The following RAB35 variants were observed in gnomAD, a reference collection of about 807,000 sequenced individuals.
RAB35 encodes ras-related protein Rab-35.
A neutral mutation model predicts 28.9 loss-of-function variants in RAB35; 4 were observed. The observed-to-expected ratio is 0.14, with a 90% CI of 0.07 to 0.32. The LOEUF is 0.32. RAB35 is among the 10% of genes least tolerant of loss of function. The pLI, the probability that RAB35 is intolerant of heterozygous loss-of-function variation, is 1.00. For missense variants in RAB35, 128 were observed against 274.0 expected (o/e 0.47, Z 3.76); for synonymous variants, 99 against 105.1 (o/e 0.94, Z 0.35).
chr12:120,101,325 A>C (rs1002988425), intron 3 of RAB35, among the ~76,000 whole-genome samples: 1 of 152,162 alleles, frequency 6.6e-6, no homozygotes, highest in Non-Finnish European at 1.5e-5. Flanking sequence ...GCCAGCTGGA[A>C]GTCCTGGCGC....
chr12:120,098,764 A>G, intron 5 of RAB35, 47 bp downstream of exon 5: 1 of 1,609,732 alleles, frequency 6.2e-7, no homozygotes, highest in Non-Finnish European at 8.5e-7. Context: ...AGCATGGAGA[A>G]GGCGGCCACG....
chr12:120,097,530 A>G (rs1215210012), intron 5 of RAB35, among the ~76,000 whole-genome samples, 157 bp from the exon 6 acceptor site: 1 of 152,226 alleles, frequency 6.6e-6, no homozygotes, highest in African/African-American at 2.4e-5. Flanking sequence ...GAGGTGGTGA[A>G]TTATTTTATT....
Position 120,108,470 on chromosome 12 carries a change from G to A in RAB35, c.53-3C>T. Reference sequence around the variant, plus strand: ...CAGTAAACTGCTCTTGCCCACACCTGCAAGAGAGAAAGCACTGCGATGAGG... The same window carrying A: ...CAGTAAACTGCTCTTGCCCACACCTACAAGAGAGAAAGCACTGCGATGAGG... On this transcript the variant is annotated splice_region_variant and splice_polypyrimidine_tract_variant and intron_variant, in intron 1 of 5. Coordinates refer to ENST00000229340, the MANE Select transcript of RAB35 (RefSeq NM_006861.7). 6.2e-7 allele frequency: 1 copy of A among 1,613,764 alleles called. No individual in the cohort carries two copies. Among genetic ancestry groups the A allele is most frequent in the Non-Finnish European group, 8.5e-7 (1 of 1,179,682 alleles).
rs1875313211 is a variant in RAB35 at position 120,095,142 on chromosome 12, A to ATAATT, written c.*2098_*2102dup. 6.6e-6 allele frequency: 1 copy of ATAATT among 152,374 alleles called. No homozygotes were observed. Among genetic ancestry groups the ATAATT allele is most frequent in the East Asian group, 1.9e-4 (1 of 5,196 alleles). The allele number at this position is 152,374 out of a possible 1,614,324, so 9.4% of individuals were successfully genotyped here. A position where few individuals can be genotyped will look rare whatever the true frequency, so the allele number is the denominator to read the frequency against. On this transcript the variant is annotated 3_prime_UTR_variant, in exon 6 of 6. Transcript: ENST00000229340. Reference sequence around the variant, plus strand: ...TATTTTTAGTATTTTTTTAAAAAGCATAATTAGAAACTTTCAATACAGAAA... The same window carrying ATAATT: ...TATTTTTAGTATTTTTTTAAAAAGCATAATTTAATTAGAAACTTTCAATACAGAAA...
intron 3 of RAB35, among the ~76,000 whole-genome samples, chr12:120,101,296 C>T (rs1469317475): frequency 6.6e-6 from 1 of 152,218 alleles, no homozygotes. Flanking sequence ...CCAGCAAGGA[C>T]GTGAGGCTGA....
intron 1 of RAB35, chr12:120,108,811 GCCC>G: frequency 2.3e-6 from 1 of 433,914 alleles, no homozygotes; most frequent in Non-Finnish European, 4.4e-6. Context: ...ACACGAAACG[GCCC>G]CCAAGTGCGT....
intron 2 of RAB35, among the ~76,000 whole-genome samples, chr12:120,107,674 C>G (rs1261670784): frequency 2.6e-5 from 4 of 151,952 alleles, no homozygotes; most frequent in Non-Finnish European, 5.9e-5. Context: ...CGAGACCAGC[C>G]TGACCAACAT....
intron 2 of RAB35, 29 bp downstream of exon 2, chr12:120,108,388 C>T (rs1875975973): frequency 3.7e-6 from 6 of 1,602,914 alleles, no homozygotes; most frequent in South Asian, 3.3e-5. Context: ...AAAAACGACA[C>T]CCCAGCAGCA....
intron 1 of RAB35, among the ~76,000 whole-genome samples, chr12:120,110,799 A>T (rs1876085580): frequency 1.3e-5 from 2 of 152,204 alleles, no homozygotes; most frequent in African/African-American, 4.8e-5. Flanking sequence ...GGCCAGGGTG[A>T]GGCTCTCCTG....
intron 2 of RAB35, among the ~76,000 whole-genome samples, chr12:120,107,135 T>G (rs10774541): frequency 4.0e-5 from 6 of 151,708 alleles, no homozygotes; most frequent in South Asian, 4.1e-4. Flanking sequence ...ATTATAGGTA[T>G]GCACCACCAC....
At chr12:120,108,328 G>A (rs1875972787) in intron 2 of RAB35, 89 bp downstream of exon 2, 3 of 1,356,968 alleles carry the variant, frequency 2.2e-6, no homozygotes, top group South Asian at 2.4e-5. Context: ...CCCAACATCA[G>A]GCAGAGGCAA....
chr12:120,097,023 G>T lies in RAB35; in HGVS notation c.*222C>A. Reference sequence around the variant, plus strand: ...CTCGCCAGGTCCAGGCGCCTTGGCCGGGGAGGAGGGGGCACCAGTAGGGAA... The same window carrying T: ...CTCGCCAGGTCCAGGCGCCTTGGCCTGGGAGGAGGGGGCACCAGTAGGGAA... On this transcript the variant is annotated 3_prime_UTR_variant, in exon 6 of 6. Coordinates refer to ENST00000229340, the MANE Select transcript of RAB35 (RefSeq NM_006861.7). 1 of 1,513,114 alleles carries T rather than the reference G, an allele frequency of 6.6e-7. No homozygotes were observed. The highest frequency in any genetic ancestry group is 8.8e-7 in the Non-Finnish European group (1 of 1,132,660). The allele number at this position is 1,513,114 out of a possible 1,614,324, so 93.7% of individuals were successfully genotyped here.
At chr12:120,097,919 T>A (rs946708057) in intron 5 of RAB35, among the ~76,000 whole-genome samples, 16 of 149,390 alleles carry the variant, frequency 1.1e-4, no homozygotes, top group African/African-American at 3.7e-4. Context: ...AGTCTCGCTC[T>A]GTCGCCCAGG....
chr12:120,106,217 TAAG>T (rs1875866584), intron 2 of RAB35, among the ~76,000 whole-genome samples: 1 of 152,228 alleles, frequency 6.6e-6, no homozygotes, highest in East Asian at 1.9e-4. Context: ...AGGAGGCCAT[TAAG>T]GAGGAAGAGG....
At chr12:120,098,980 G>A (rs769628989) in intron 4 of RAB35, 45 bp from the exon 5 acceptor site, 30 of 1,613,882 alleles carry the variant, frequency 1.9e-5, no homozygotes, top group Middle Eastern at 3.3e-4. Flanking sequence ...GGGCGCAGCC[G>A]GCTGCCTCTC....
chr12:120,108,764 G>A (rs1875994876), intron 1 of RAB35: 1 of 563,204 alleles, frequency 1.8e-6, no homozygotes, highest in Admixed American at 2.5e-5. Context: ...TGGCCCAAAG[G>A]GAGATGCCAG....
chr12:120,116,207 A>G (rs1200809051), intron 1 of RAB35, among the ~76,000 whole-genome samples: 1 of 152,188 alleles, frequency 6.6e-6, no homozygotes, highest in Non-Finnish European at 1.5e-5. Flanking sequence ...CACACCACCC[A>G]GCAAGGCACA....
chr12:120,099,103 G>A lies in RAB35; in HGVS notation c.279C>T (p.Ala93=), dbSNP rs777609502. The A allele has an allele frequency of 2.1e-5, 34 of 1,614,126 alleles. No individual in the cohort carries two copies. Among genetic ancestry groups the A allele is most frequent in the Non-Finnish European group, 2.5e-5 (30 of 1,180,044 alleles). The change falls in exon 4 of 6, where the codon GCC becomes GCT. Residue 93 remains alanine, a synonymous_variant. Coordinates refer to ENST00000229340, the MANE Select transcript of RAB35 (RefSeq NM_006861.7). The stretch of plus-strand genomic sequence containing the variant: ...ACCGCTTGACGTTGACAAAGGACTC[G>A]GCACTGGTGACGTCGTAAACCACAA... ...GVIVVYDVTS[A]ESFVNVKRWL... is the part of the protein sequence containing the mutation.
intron 2 of RAB35, among the ~76,000 whole-genome samples, chr12:120,104,319 T>A (rs577308825): frequency 2.6e-5 from 4 of 152,268 alleles, no homozygotes; most frequent in African/African-American, 9.6e-5. Context: ...TGGGTTTTTC[T>A]TTTCTATTCA....
Sources: allele counts gnomAD v4.1 joint callset (sites outside exome capture counted in the v4.1 genomes callset), GRCh38; gene constraint gnomAD v4.1.1; transcripts MANE v1.5; gene names NCBI Gene and HGNC (gene_info 2026-07-23, HGNC 2026-07-21).